The following C16orf74 variants were observed in gnomAD, a reference collection of about 807,000 sequenced individuals.
C16orf74 encodes the protein uncharacterized protein C16orf74.
A neutral mutation model predicts 6.5 loss-of-function variants in C16orf74; 10 were observed. The observed-to-expected ratio is 1.54, with a 90% CI of 0.95 to 2.61. The LOEUF (loss-of-function observed/expected upper bound fraction) is 2.61, where lower values mean the gene tolerates loss of function less well. C16orf74 is among the 30% of genes most tolerant of loss of function. The probability of loss-of-function intolerance (pLI) is 0.00; values close to 1 mark genes in which losing one functional copy is unlikely to be tolerated. For synonymous variants in C16orf74, 60 were observed against 42.5 expected, an observed-to-expected ratio of 1.41 and a Z score of -1.60; for missense variants, 141 against 105.9, an observed-to-expected ratio of 1.33 and a Z score of -1.45.
At chr16:85,709,701 A>G (rs1291919158) in intron 3 of C16orf74, among the ~76,000 whole-genome samples, 2 of 151,954 alleles carry the variant, frequency 1.3e-5, no homozygotes, top group Non-Finnish European at 2.9e-5. Flanking sequence ...GAAGAACTCT[A>G]TTTCCTCGCC....
chr16:85,748,546 C>T (rs60319416), intron 1 of C16orf74, among the ~76,000 whole-genome samples: 8,702 of 151,210 alleles, frequency 0.058, 462 homozygotes, highest in Admixed American at 0.17. Context: ...TGCAGTGAGC[C>T]GAGATCACGC....
chr16:85,738,161 C>T (rs2054264956), intron 1 of C16orf74, among the ~76,000 whole-genome samples: 1 of 151,920 alleles, frequency 6.6e-6, no homozygotes, highest in East Asian at 2.0e-4. Context: ...GGGAGGATCA[C>T]TTGAGCCCAG....
At chr16:85,728,018 A>T (rs67517952) in intron 2 of C16orf74, among the ~76,000 whole-genome samples, 1 of 148,526 alleles carries the variant, frequency 6.7e-6, no homozygotes, top group African/African-American at 2.5e-5. Flanking sequence ...GTACACCTAT[A>T]CTCCAGCTGC....
chr16:85,727,199 C>A (rs908437766), intron 2 of C16orf74, among the ~76,000 whole-genome samples: 1 of 152,234 alleles, frequency 6.6e-6, no homozygotes, highest in Non-Finnish European at 1.5e-5. Flanking sequence ...CCAGCAGAGC[C>A]AGGCATTCAC....
At chr16:85,745,512 C>T (rs1179737095) in intron 1 of C16orf74, among the ~76,000 whole-genome samples, 1 of 152,216 alleles carries the variant, frequency 6.6e-6, no homozygotes, top group Non-Finnish European at 1.5e-5. Context: ...CAAAAGCAAC[C>T]AAGACATAGC....
At chr16:85,708,392 C>G (rs948399237) in intron 3 of C16orf74, among the ~76,000 whole-genome samples, 2 of 152,180 alleles carry the variant, frequency 1.3e-5, no homozygotes, top group Non-Finnish European at 2.9e-5. Context: ...GGTGAGGACA[C>G]AGGCTCAGAG....
At chr16:85,727,855 C>T (rs185399473) in intron 2 of C16orf74, among the ~76,000 whole-genome samples, 320 of 149,888 alleles carry the variant, frequency 2.1e-3, no homozygotes, top group African/African-American at 7.4e-3. Flanking sequence ...AAGAATGGAT[C>T]TGGCCGGGTG....
intron 2 of C16orf74, among the ~76,000 whole-genome samples, chr16:85,719,128 C>A (rs1006211127): frequency 6.6e-6 from 1 of 152,236 alleles, no homozygotes; most frequent in Non-Finnish European, 1.5e-5. Flanking sequence ...TTATGTCACC[C>A]TCCTTTGCAG....
chr16:85,749,637 G>T (rs982085600), intron 1 of C16orf74, among the ~76,000 whole-genome samples: 5 of 152,206 alleles, frequency 3.3e-5, no homozygotes, highest in African/African-American at 1.2e-4. Flanking sequence ...GAGTTGGTCA[G>T]GGGATTAAAA....
At chr16:85,735,581 C>T (rs16939643) in intron 1 of C16orf74, among the ~76,000 whole-genome samples, 5,030 of 152,266 alleles carry the variant, frequency 0.033, 265 homozygotes, top group African/African-American at 0.11. Context: ...CCTTTCCTTT[C>T]AAGAGCCACA....
At chr16:85,719,274 A>C (rs1467982129) in intron 2 of C16orf74, among the ~76,000 whole-genome samples, 1 of 152,088 alleles carries the variant, frequency 6.6e-6, no homozygotes, top group Non-Finnish European at 1.5e-5. Flanking sequence ...GCCTCTACAG[A>C]GGTTTATCTG....
chr16:85,730,730 G>A (rs139834051), intron 2 of C16orf74, among the ~76,000 whole-genome samples: 1 of 146,026 alleles, frequency 6.8e-6, no homozygotes, highest in Non-Finnish European at 1.5e-5. Flanking sequence ...CCCAAGACCA[G>A]CCAAGTAAAG....
intron 2 of C16orf74, among the ~76,000 whole-genome samples, chr16:85,732,724 A>C (rs2054203364): frequency 6.8e-6 from 1 of 146,114 alleles, no homozygotes; most frequent in South Asian, 2.2e-4. Flanking sequence ...TCCCCAAGTC[A>C]CCCCCATGCT....
At position 85,737,921 on chromosome 16, in the gene C16orf74, A is replaced by G. The variant is rs556368726; in HGVS notation, c.-18-2686T>C. 2.6e-4 allele frequency among the ~76,000 whole-genome samples: 40 copies of G among 151,010 alleles called. No homozygotes were observed. The East Asian group carries it at 6.6e-3, about 25-fold the overall frequency. On this transcript the variant is annotated intron_variant, in intron 1 of 3. Transcript: ENST00000284245. The stretch of plus-strand genomic sequence containing the variant: ...TGGCTTTGAATGTGGCCTAACGCAA[A>G]TTTGTAAATTTTCTTAAAACATTAT...
At chr16:85,711,912 T>C (rs2053974430) in intron 2 of C16orf74, among the ~76,000 whole-genome samples, 1 of 152,180 alleles carries the variant, frequency 6.6e-6, no homozygotes, top group South Asian at 2.1e-4. Flanking sequence ...TTCTGAAATA[T>C]GGCTCTGAGA....
At chr16:85,712,519 G>C (rs1414374832) in intron 2 of C16orf74, among the ~76,000 whole-genome samples, 3 of 152,198 alleles carry the variant, frequency 2.0e-5, no homozygotes, top group African/African-American at 7.2e-5. Flanking sequence ...GTTCCTCTGA[G>C]AGGCAGGTTA....
chr16:85,708,379 A>G (rs903927658), intron 3 of C16orf74, among the ~76,000 whole-genome samples: 1 of 152,138 alleles, frequency 6.6e-6, no homozygotes, highest in Non-Finnish European at 1.5e-5. Context: ...ATCCCATTTT[A>G]TAGGTGAGGA....
chr16:85,715,715 G>C (rs1157597405), intron 2 of C16orf74, among the ~76,000 whole-genome samples: 3 of 152,200 alleles, frequency 2.0e-5, no homozygotes, highest in African/African-American at 7.2e-5. Context: ...TCAGGGCTGT[G>C]GTTGCCAATC....
intron 2 of C16orf74, among the ~76,000 whole-genome samples, chr16:85,728,001 TG>T (rs2054151443): frequency 1.4e-5 from 2 of 143,190 alleles, no homozygotes; most frequent in African/African-American, 5.2e-5. Context: ...TAGCTGGGCG[TG>T]GTGTTGTACA....
Sources: gnomAD v4.1 joint callset for allele counts (sites outside exome capture counted in the v4.1 genomes callset) on GRCh38, gnomAD v4.1.1 for gene constraint, MANE v1.5 for transcripts, NCBI Gene and HGNC (gene_info 2026-07-23, HGNC 2026-07-21) for gene names.